TEX2: variants seen among roughly 807,000 people sequenced by gnomAD.
TEX2 encodes testis expressed 2.
Under a neutral mutation model 106.9 loss-of-function variants are expected in TEX2, and 53 were observed. The observed-to-expected ratio is 0.50, with a 90% CI of 0.40 to 0.62. The LOEUF (loss-of-function observed/expected upper bound fraction) is 0.62. Among genes scored for constraint, TEX2 ranks in the 20% least tolerant of loss-of-function variants. The probability of loss-of-function intolerance (pLI) is 0.00; values close to 1 mark genes in which losing one functional copy is unlikely to be tolerated. For synonymous variants in TEX2, 523 were observed against 534.8 expected (o/e 0.98, Z 0.30); for missense variants, 1,207 against 1,379.0 (o/e 0.88, Z 1.98).
intron 5 of TEX2, among the ~76,000 whole-genome samples, 169 bp from the exon 6 acceptor site, chr17:64,177,640 A>G (rs978937146): frequency 6.6e-6 from 1 of 152,216 alleles, no homozygotes; most frequent in Non-Finnish European, 1.5e-5. Context: ...TGACTAGGAA[A>G]GGGGAGAAAC....
intron 10 of TEX2, among the ~76,000 whole-genome samples, chr17:64,151,234 T>C (rs2030338829): frequency 6.6e-6 from 1 of 152,212 alleles, no homozygotes; most frequent in Non-Finnish European, 1.5e-5. Context: ...GACCTGGGCA[T>C]TGGTTTCTGT....
chr17:64,240,233 ATGTGTGTGTG>A (rs67965706), intron 1 of TEX2, among the ~76,000 whole-genome samples: 11,586 of 147,374 alleles, frequency 0.079, 523 homozygotes, highest in Non-Finnish European at 0.11. Flanking sequence ...GTATATGCAG[ATGTGTGTGTG>A]TGTGTGTGTG....
chr17:64,257,711 A>G (rs578062606), intron 1 of TEX2, among the ~76,000 whole-genome samples: 1 of 152,312 alleles, frequency 6.6e-6, no homozygotes, highest in African/African-American at 2.4e-5. Context: ...ATTTTACTTA[A>G]TAACAGCCCC....
At chr17:64,188,073 C>T in intron 5 of TEX2, 95 bp downstream of exon 5, 1 of 1,408,354 alleles carries the variant, frequency 7.1e-7, no homozygotes, top group Middle Eastern at 2.6e-4. Flanking sequence ...CCACTGTTAT[C>T]CCAGTGCCCA....
chr17:64,161,742 G>T (rs757154104), intron 7 of TEX2, among the ~76,000 whole-genome samples: 1 of 151,904 alleles, frequency 6.6e-6, no homozygotes, highest in Non-Finnish European at 1.5e-5. Flanking sequence ...AGGATTCTAT[G>T]ATTTGTCAAG....
intron 1 of TEX2, among the ~76,000 whole-genome samples, chr17:64,236,321 G>C (rs1156918233): frequency 1.3e-5 from 2 of 152,132 alleles, no homozygotes; most frequent in Non-Finnish European, 2.9e-5. Context: ...CCAGCACTTT[G>C]GGAGGCTAAG....
intron 7 of TEX2, among the ~76,000 whole-genome samples, chr17:64,164,176 G>A (rs1291151905): frequency 1.3e-5 from 2 of 152,044 alleles, no homozygotes; most frequent in African/African-American, 2.4e-5. Flanking sequence ...AGTGTCTCAC[G>A]CCTGTAATCC....
chr17:64,248,902 G>A (rs773753589), intron 1 of TEX2, among the ~76,000 whole-genome samples: 40 of 152,048 alleles, frequency 2.6e-4, no homozygotes, highest in Non-Finnish European at 4.9e-4. Flanking sequence ...AGGCCTGGTG[G>A]TGCATGCCTG....
chr17:64,227,791 T>A (rs2033547157), intron 1 of TEX2, among the ~76,000 whole-genome samples: 1 of 152,204 alleles, frequency 6.6e-6, no homozygotes, highest in Admixed American at 6.5e-5. Context: ...TTTTCATCTG[T>A]AAAATGGGAA....
chr17:64,236,804 G>A (rs1005218923), intron 1 of TEX2, among the ~76,000 whole-genome samples: 2 of 152,206 alleles, frequency 1.3e-5, no homozygotes, highest in East Asian at 3.9e-4. Context: ...ATAGATCTAT[G>A]GCTCTCTTAA....
chr17:64,199,096 G>T (rs782677358), intron 2 of TEX2, among the ~76,000 whole-genome samples: 2 of 152,186 alleles, frequency 1.3e-5, no homozygotes, highest in East Asian at 3.8e-4. Context: ...GAAACTTAGG[G>T]ATAAAAGTTG....
chr17:64,208,385 G>A (rs1262476614), intron 2 of TEX2, among the ~76,000 whole-genome samples: 1 of 151,456 alleles, frequency 6.6e-6, no homozygotes, highest in Non-Finnish European at 1.5e-5. Context: ...ACTGCAAGCT[G>A]CGCCACCACA....
rs2030167384 is a variant in TEX2 at position 64,148,416 on chromosome 17, A to G, written c.*553T>C. The G allele has an allele frequency of 6.5e-6, 1 of 153,474 alleles. No homozygotes were observed. Among genetic ancestry groups the G allele is most frequent in the African/African-American group, 2.4e-5 (1 of 41,442 alleles). 9.5% of individuals were successfully genotyped at this position (153,474 alleles called of 1,614,324 possible). A position where few individuals can be genotyped will look rare whatever the true frequency, so the allele number is the denominator to read the frequency against. Reference sequence around the variant, plus strand: ...TGTACTATGGCTACTTGCTTCCCAAATGCACAATTTAATGTGGAAAATAAG... The same window carrying G: ...TGTACTATGGCTACTTGCTTCCCAAGTGCACAATTTAATGTGGAAAATAAG... On this transcript the variant is annotated 3_prime_UTR_variant, in exon 12 of 12. Transcript: ENST00000584379.
intron 6 of TEX2, among the ~76,000 whole-genome samples, chr17:64,175,182 T>C (rs573979012): frequency 1.3e-5 from 2 of 152,244 alleles, no homozygotes; most frequent in Non-Finnish European, 2.9e-5. Context: ...CGGTGACAGC[T>C]TCAGAATTTG....
Position 64,147,796 on chromosome 17 carries a change from T to G in TEX2, c.*1173A>C, listed in dbSNP as rs999517622. ...GGCAAGGTGCTGTTTAAAAAACCAC[T>G]ATTAGCTTTGTCCACACATGTAAGT... On this transcript the variant is annotated 3_prime_UTR_variant, in exon 12 of 12. Coordinates refer to ENST00000584379, the MANE Select transcript of TEX2 (RefSeq NM_001288732.2). The G allele has an allele frequency of 6.6e-6, 1 of 152,640 alleles. No individual in the cohort carries two copies. The highest frequency in any genetic ancestry group is 1.5e-5 in the Non-Finnish European group (1 of 68,032). The allele number at this position is 152,640 out of a possible 1,614,324, so 9.5% of individuals were successfully genotyped here.
At chr17:64,204,170 A>G (rs1432120631) in intron 2 of TEX2, among the ~76,000 whole-genome samples, 2 of 152,274 alleles carry the variant, frequency 1.3e-5, no homozygotes, top group Non-Finnish European at 2.9e-5. Flanking sequence ...CACGCATTCT[A>G]TCAAACAACT....
At chr17:64,253,631 G>C (rs1381557999) in intron 1 of TEX2, among the ~76,000 whole-genome samples, 1 of 152,114 alleles carries the variant, frequency 6.6e-6, no homozygotes, top group Non-Finnish European at 1.5e-5. Context: ...TCAGAGAAAA[G>C]AACCATCCAA....
At chr17:64,158,106 G>T (rs2030716522) in intron 8 of TEX2, among the ~76,000 whole-genome samples, 2 of 152,168 alleles carry the variant, frequency 1.3e-5, no homozygotes, top group Admixed American at 1.3e-4. Flanking sequence ...GACTATTTGG[G>T]AAAAGACTAA....
In TEX2 at chr17:64,213,592, C is replaced by T; in HGVS notation, c.626G>A (p.Arg209Lys). The T allele has an allele frequency of 1.2e-6, 2 of 1,614,086 alleles. No homozygotes were observed. The highest frequency in any genetic ancestry group is 1.1e-5 in the South Asian group (1 of 91,078). Residue 209 changes from arginine to lysine, a missense_variant, in exon 2 of 12, where the codon AGG (arginine) becomes AAG (lysine). By Grantham distance (26) the Arg-to-Lys change is conservative (BLOSUM62 2). Around this residue, in one of 3 missense-constraint regions of TEX2, gnomAD observed 1,067 missense variants for 1,193.6 expected, o/e 0.89. Transcript: ENST00000584379. The surrounding 1 kb of genome is among the most constrained non-coding windows in gnomAD (Gnocchi z 4.4). Reference sequence around the variant, plus strand: ...TAATGTCTTCATCAAGTGCCTGTGCCTTGCGGGGTGTGGGGATTCTTTTGG... The same window carrying T: ...TAATGTCTTCATCAAGTGCCTGTGCTTTGCGGGGTGTGGGGATTCTTTTGG... ...VEPKESPHPA[R>K]HRHLMKTLVK... is the part of the protein sequence containing the mutation.
Sources: gnomAD v4.1 joint callset for allele counts (sites outside exome capture counted in the v4.1 genomes callset) on GRCh38, gnomAD v4.1.1 for gene constraint, gnomAD v4.1.1 regional missense constraint, Gnocchi (gnomAD v3.1) non-coding constraint, MANE v1.5 for transcripts, NCBI Gene and HGNC (gene_info 2026-07-23, HGNC 2026-07-21) for gene names.